Variants in LCP1 observed in about 807,000 individuals in gnomAD.
The protein encoded by LCP1 is lymphocyte cytosolic protein 1.
In LCP1, 23 loss-of-function variants were observed where a neutral mutation model predicts 72.0. The ratio of observed to expected loss-of-function variants is 0.32; its 90% CI spans 0.23 to 0.45. The LOEUF is 0.45. Ranked by LOEUF, LCP1 falls within the 20% of genes least tolerant of loss-of-function variation. The pLI, the probability that LCP1 is intolerant of heterozygous loss-of-function variation, is 1.00. For missense variants in LCP1, 571 were observed against 748.3 expected, an observed-to-expected ratio of 0.76 and a Z score of 2.76; for synonymous variants, 245 against 275.4, an observed-to-expected ratio of 0.89 and a Z score of 1.09.
chr13:46,143,479 C>T (rs2045710562), intron 11 of LCP1, 75 bp from the exon 12 acceptor site: 4 of 926,758 alleles, frequency 4.3e-6, no homozygotes, highest in Non-Finnish European at 7.0e-6. Flanking sequence ...CAGACACTTT[C>T]TTACATATTA....
chr13:46,139,746 A>G (rs914675895), intron 13 of LCP1, among the ~76,000 whole-genome samples: 13 of 152,122 alleles, frequency 8.5e-5, no homozygotes, highest in African/African-American at 2.7e-4. Flanking sequence ...TTTTCTTATA[A>G]TTTATTTTCT....
At chr13:46,136,021 C>T (rs750295642) in intron 13 of LCP1, among the ~76,000 whole-genome samples, 1 of 151,486 alleles carries the variant, frequency 6.6e-6, no homozygotes, top group Non-Finnish European at 1.5e-5. Flanking sequence ...TATTCTTTTC[C>T]AGCACATCTG....
In LCP1 at chr13:46,127,634, G is replaced by T. The variant is rs748693517; in HGVS notation, c.1841C>A (p.Thr614Asn). 1 of 1,614,178 alleles carries T rather than the reference G, an allele frequency of 6.2e-7. No individual in the cohort carries two copies. ...LVEVNPKMVMTVFACLMGKGM... is the reference protein window; with the variant it reads ...LVEVNPKMVMNVFACLMGKGM... The stretch of plus-strand genomic sequence containing the variant: ...TTTCCCCATGAGGCAGGCAAACACG[G>T]TCATGACCATTTTGGGGTTCACTTC... The change falls in exon 16 of 16, where the codon ACC becomes AAC. Residue 614 changes from threonine (T) to asparagine (N), a missense_variant. Thr to Asn is a moderately conservative substitution (Grantham distance 65). Transcript: ENST00000323076.
intron 2 of LCP1, chr13:46,159,294 G>A (rs2045823263): frequency 3.8e-6 from 2 of 522,254 alleles, no homozygotes; most frequent in Non-Finnish European, 6.8e-6. Context: ...GTAAGAGAAA[G>A]TATGTGATGG....
At chr13:46,171,785 G>A (rs975248672) in intron 1 of LCP1, among the ~76,000 whole-genome samples, 5 of 152,250 alleles carry the variant, frequency 3.3e-5, no homozygotes, top group Non-Finnish European at 5.9e-5. Context: ...GAAGTGCAGT[G>A]GACCTATGAA....
At chr13:46,178,684 A>G (rs2045942852) in intron 1 of LCP1, among the ~76,000 whole-genome samples, 1 of 152,224 alleles carries the variant, frequency 6.6e-6, no homozygotes, top group Admixed American at 6.5e-5. Context: ...TTCAGTATAC[A>G]GATGAAATAG....
At position 46,137,308 on chromosome 13, in the gene LCP1, C is replaced by T. The variant is rs183195664; in HGVS notation, c.1503-3058G>A. Among the ~76,000 whole-genome samples, 60 of 151,870 alleles carry T rather than the reference C, an allele frequency of 4.0e-4. No homozygotes were observed. In the East Asian group the frequency reaches 8.3e-3, roughly 21 times the overall value. ...ATTCGAGCACTTTGGGAGGCCGAGG[C>T]GGGCGGATCACCTGAGGTCAGGAGT... On this transcript the variant is annotated intron_variant, in intron 13 of 15. Transcript: ENST00000323076.
intron 1 of LCP1, among the ~76,000 whole-genome samples, chr13:46,171,963 G>C (rs1236388318): frequency 2.0e-5 from 3 of 152,226 alleles, no homozygotes; most frequent in Admixed American, 6.5e-5. Flanking sequence ...CGTACATGTG[G>C]GTACCACAGG....
At chr13:46,181,853 T>C (rs1275336250) in intron 1 of LCP1, among the ~76,000 whole-genome samples, 4 of 152,164 alleles carry the variant, frequency 2.6e-5, no homozygotes, top group African/African-American at 9.7e-5. Context: ...AAAAGAAACC[T>C]TAATTTTGGG....
At chr13:46,133,613 G>A (rs2045646271) in intron 14 of LCP1, among the ~76,000 whole-genome samples, 1 of 151,808 alleles carries the variant, frequency 6.6e-6, no homozygotes. Context: ...GTGACAGAGT[G>A]AGACCTTGTC....
chr13:46,157,579 G>A (rs1474110487), intron 4 of LCP1, among the ~76,000 whole-genome samples: 1 of 152,048 alleles, frequency 6.6e-6, no homozygotes, highest in Non-Finnish European at 1.5e-5. Flanking sequence ...GAGAAATCCT[G>A]AGTCATAAAA....
intron 9 of LCP1, 68 bp from the exon 10 acceptor site, chr13:46,147,171 T>G (rs1241496936): frequency 1.5e-6 from 2 of 1,293,264 alleles, no homozygotes. Flanking sequence ...TTGCATAATG[T>G]GAAAAGAAAT....
intron 1 of LCP1, among the ~76,000 whole-genome samples, chr13:46,165,740 C>T (rs910675940): frequency 9.2e-5 from 14 of 152,114 alleles, no homozygotes; most frequent in African/African-American, 3.4e-4. Context: ...AATCCGTGGT[C>T]AATCTGGGAA....
intron 10 of LCP1, among the ~76,000 whole-genome samples, chr13:46,146,169 C>A (rs914817302): frequency 2.6e-5 from 4 of 152,084 alleles, no homozygotes; most frequent in Non-Finnish European, 1.5e-5. Flanking sequence ...CAAATGACAC[C>A]AATGCAGGAG....
At chr13:46,136,523 A>G (rs1392735692) in intron 13 of LCP1, among the ~76,000 whole-genome samples, 1 of 152,176 alleles carries the variant, frequency 6.6e-6, no homozygotes. Flanking sequence ...AAAGATGTTT[A>G]GTCTGGTCCA....
intron 1 of LCP1, chr13:46,168,537 C>T (rs2045889300): frequency 6.6e-6 from 1 of 152,482 alleles, no homozygotes; most frequent in African/African-American, 2.4e-5. Context: ...GCTCAGCTGC[C>T]TAGCTGCTGG....
chr13:46,175,377 C>T (rs1317410729), intron 1 of LCP1, among the ~76,000 whole-genome samples: 1 of 152,178 alleles, frequency 6.6e-6, no homozygotes, highest in Non-Finnish European at 1.5e-5. Flanking sequence ...ACTTCAGAGG[C>T]TCCAGAGACT....
At position 46,126,663 on chromosome 13, in the gene LCP1, GTAAC is replaced by G. The variant is rs2045600189; in HGVS notation, c.*924_*927del. The G allele has an allele frequency of 4.3e-6, 1 of 231,750 alleles. No homozygotes were observed. Among genetic ancestry groups the G allele is most frequent in the Non-Finnish European group, 8.5e-6 (1 of 116,976 alleles). The allele number at this position is 231,750 out of a possible 1,614,324, so 14.4% of individuals were successfully genotyped here. On this transcript the variant is annotated 3_prime_UTR_variant, in exon 16 of 16. Transcript: ENST00000323076. ...GTTGACAGGTATTAGCCATACCACA[GTAAC>G]TAGATCTAATGTGAGGGCTAAATGC...
chr13:46,175,432 A>G (rs2045924523), intron 1 of LCP1, among the ~76,000 whole-genome samples: 1 of 152,132 alleles, frequency 6.6e-6, no homozygotes, highest in Non-Finnish European at 1.5e-5. Context: ...ATAAATCCAA[A>G]TCTGTCTCTA....
Sources: gnomAD v4.1 joint callset for allele counts (sites outside exome capture counted in the v4.1 genomes callset) on GRCh38, gnomAD v4.1.1 for gene constraint, MANE v1.5 for transcripts, NCBI Gene and HGNC (gene_info 2026-07-23, HGNC 2026-07-21) for gene names.